ZNF41: variants seen among roughly 807,000 people sequenced by gnomAD.
ZNF41 encodes zinc finger protein 41.
ZNF41 carries 6 observed loss-of-function variants against 9.3 expected under a neutral mutation model. That is an observed-to-expected ratio of 0.65 (90% CI 0.35 to 1.28). The LOEUF is 1.28. Among genes scored for constraint, ZNF41 ranks in the 50% most tolerant of loss-of-function variants. The pLI, the probability that ZNF41 is intolerant of heterozygous loss-of-function variation, is 0.03. For missense variants in ZNF41, 523 were observed against 585.8 expected (o/e 0.89, Z 1.11); for synonymous variants, 192 against 207.1 (o/e 0.93, Z 0.63).
chrX:47,455,981 A>G lies in ZNF41; in HGVS notation c.235T>C (p.Leu79=), dbSNP rs776727494. The G allele has an allele frequency of 2.6e-5, 32 of 1,209,739 alleles. No individual in the cohort carries two copies. In the South Asian group the frequency reaches 5.5e-4, roughly 21 times the overall value. ...ATCCATGGCCCCTCTCCTTGCTCCAACTTGAAGGCAGCCTCTGACTTGGGA... is the reference window on the plus strand; with the variant it reads ...ATCCATGGCCCCTCTCCTTGCTCCAGCTTGAAGGCAGCCTCTGACTTGGGA... ...QIPKSEAAFK[L]EQGEGPWMLE... The change falls in exon 4 of 5, where the codon TTG becomes CTG. Residue 79 remains leucine, a synonymous_variant. Transcript: ENST00000684689.
At chrX:47,464,484 G>T (rs1309299646) in intron 2 of ZNF41, among the ~76,000 whole-genome samples, 2 of 111,303 alleles carry the variant, frequency 1.8e-5, no homozygotes, top group Non-Finnish European at 1.9e-5. Context: ...AGGTATCTCT[G>T]CCTATACCCC....
At chrX:47,472,222 T>C (rs1328718074) in intron 1 of ZNF41, among the ~76,000 whole-genome samples, 2 of 110,830 alleles carry the variant, frequency 1.8e-5, no homozygotes, top group African/African-American at 6.5e-5. Context: ...TATTCAAAAC[T>C]AAAAATTATG....
At chrX:47,456,440 T>C (rs201140907) in intron 2 of ZNF41, 42 bp from the exon 3 acceptor site, 1 of 1,210,344 alleles carries the variant, frequency 8.3e-7, no homozygotes, top group Non-Finnish European at 1.1e-6. Flanking sequence ...TGGTCAGCAC[T>C]GGGGGATGGA....
rs1399025932 is a variant in ZNF41 at position 47,467,460 on chromosome X, G to T, written c.22C>A (p.Pro8Thr). The change falls in exon 2 of 5, where the codon CCC becomes ACC. Residue 8 changes from proline to threonine, a missense_variant. Physicochemically the swap from Pro to Thr is conservative, Grantham distance 38. Transcript: ENST00000684689. The part of the protein sequence containing the change: MAANGDS[P>T]PWSPALAAEG... ...GCAGCCAGGGCCGGGGACCATGGGG[G>T]AGAGTCCCCATTAGCTGCCATGTTC... is the stretch of plus-strand genomic sequence containing the variant. 2 of 1,188,565 alleles carry T rather than the reference G, an allele frequency of 1.7e-6. No homozygotes were observed. The highest frequency in any genetic ancestry group is 2.3e-6 in the Non-Finnish European group (2 of 882,837).
intron 2 of ZNF41, among the ~76,000 whole-genome samples, chrX:47,459,453 T>C (rs747376482): frequency 1.8e-5 from 2 of 108,191 alleles, no homozygotes; most frequent in South Asian, 8.2e-4. Flanking sequence ...TCAACAAATG[T>C]TGCCAGGGCC....
At chrX:47,461,702 C>A (rs1268480314) in intron 2 of ZNF41, among the ~76,000 whole-genome samples, 2 of 109,063 alleles carry the variant, frequency 1.8e-5, no homozygotes, top group African/African-American at 6.7e-5. Flanking sequence ...AGCCACTGTG[C>A]CTGGCCTCTT....
chrX:47,452,485 G>A (rs781552346), intron 4 of ZNF41, among the ~76,000 whole-genome samples: 7 of 111,416 alleles, frequency 6.3e-5, no homozygotes, highest in African/African-American at 2.3e-4. Flanking sequence ...TACCTGCCTC[G>A]AGCCATGGTT....
Position 47,448,487 on chromosome X carries a change from A to G in ZNF41, c.1283T>C (p.Met428Thr). 8.3e-7 allele frequency: 1 copy of G among 1,211,533 alleles called. No homozygotes were observed. The stretch of plus-strand genomic sequence containing the variant: ...CTCTCCCGTGTGGATTCTCTGATGC[A>G]TCCTGAGTGCTGATTTTCTTGTGAA... ...KAFTRKSALR[M>T]HQRIHTGEKP... The change falls in exon 5 of 5, where the codon ATG becomes ACG. Residue 428 changes from methionine (M) to threonine (T), a missense_variant. By Grantham distance (81) the Met-to-Thr change is moderately conservative. Coordinates refer to ENST00000684689, the MANE Select transcript of ZNF41 (RefSeq NM_001324144.2).
At position 47,447,515 on chromosome X, in the gene ZNF41, C is replaced by T. The variant is rs2056156950; in HGVS notation, c.2255G>A (p.Cys752Tyr). The change falls in exon 5 of 5, where the codon TGT (cysteine) becomes TAT (tyrosine). Residue 752 changes from cysteine to tyrosine, a missense_variant. Cys to Tyr is a radical substitution (Grantham distance 194). Coordinates refer to ENST00000684689, the MANE Select transcript of ZNF41 (RefSeq NM_001324144.2). Reference protein sequence around the residue: ...TGKKPYACTECQKAFTDRSNL... With the variant: ...TGKKPYACTEYQKAFTDRSNL... The stretch of plus-strand genomic sequence containing the variant: ...CGATCTGTCAGTAAAGGCCTTCTGA[C>T]ATTCTGTACAAGCATAAGGTTTCTT... 1 of 1,210,160 alleles carries T rather than the reference C, an allele frequency of 8.3e-7. No individual in the cohort carries two copies. The highest frequency in any genetic ancestry group is 1.7e-5 in the African/African-American group (1 of 57,306).
intron 4 of ZNF41, among the ~76,000 whole-genome samples, chrX:47,451,543 C>T (rs1222421194): frequency 8.9e-6 from 1 of 111,921 alleles, no homozygotes; most frequent in Non-Finnish European, 1.9e-5. Flanking sequence ...CACTTGAGGC[C>T]AGGAGTTTGA....
In ZNF41 at chrX:47,469,119, G is replaced by A. The variant is rs763338052; in HGVS notation, c.-279-1359C>T. 8.0e-3 allele frequency among the ~76,000 whole-genome samples: 850 copies of A among 105,732 alleles called. 12 individuals are homozygous for A. Among genetic ancestry groups the A allele is most frequent in the African/African-American group, 0.027 (780 of 28,986 alleles). 91.8% of individuals were successfully genotyped at this position (105,732 alleles called of 115,157 possible). Reference sequence around the variant, plus strand: ...GAGGTCAGGAGATCGAGACCATCCCGGCTAAAACGGTGAAACCCCGTCTCT... The same window carrying A: ...GAGGTCAGGAGATCGAGACCATCCCAGCTAAAACGGTGAAACCCCGTCTCT... On this transcript the variant is annotated intron_variant, in intron 1 of 4. Transcript: ENST00000684689.
At chrX:47,476,327 T>C (rs992019611) in intron 1 of ZNF41, among the ~76,000 whole-genome samples, 4 of 111,219 alleles carry the variant, frequency 3.6e-5, no homozygotes, top group African/African-American at 9.8e-5. Context: ...CGCTCCAGCC[T>C]AGGCAACAGA....
intron 1 of ZNF41, among the ~76,000 whole-genome samples, chrX:47,472,433 C>CTTTTTTTTT (rs767484521): frequency 1.7e-5 from 1 of 58,078 alleles, no homozygotes; most frequent in Non-Finnish European, 3.0e-5. Context: ...AACATGGCTT[C>CTTTTTTTTT]TTTTTTTTTT....
In ZNF41 at chrX:47,448,755, T is replaced by C. The variant is rs1255279045; in HGVS notation, c.1015A>G (p.Lys339Glu). 1 of 1,211,942 alleles carries C rather than the reference T, an allele frequency of 8.3e-7. No homozygotes were observed. The highest frequency in any genetic ancestry group is 1.1e-6 in the Non-Finnish European group (1 of 895,600). The change falls in exon 5 of 5, where the codon AAA becomes GAA. Residue 339 changes from lysine to glutamate, a missense_variant. Transcript: ENST00000684689. ...TTTTGATGTGTAATGAGGTTTGATT[T>C]GAGGGTAAAGACTTTCCCACATTGA... is the stretch of plus-strand genomic sequence containing the variant. ...CTQCGKVFTL[K>E]SNLITHQKIH...
intron 2 of ZNF41, among the ~76,000 whole-genome samples, chrX:47,461,004 G>A (rs920226821): frequency 5.4e-5 from 6 of 110,901 alleles, no homozygotes; most frequent in African/African-American, 1.6e-4. Context: ...ATGATAAAAA[G>A]GTTTAAAAAC....
At position 47,456,156 on chromosome X, in the gene ZNF41, C is replaced by A. The variant is rs763291873; in HGVS notation, c.199+116G>T. ...TAATAATCACAGAGGTGAAAAGGAA[C>A]TGAATCCCAGACAAATCCAGGATGA... On this transcript the variant is annotated intron_variant, in intron 3 of 4. Coordinates refer to ENST00000684689, the MANE Select transcript of ZNF41 (RefSeq NM_001324144.2). The A allele has an allele frequency of 6.7e-5, 73 of 1,088,741 alleles. No homozygotes were observed. In the South Asian group the frequency reaches 1.1e-3, roughly 17 times the overall value. 89.7% of individuals were successfully genotyped at this position (1,088,741 alleles called of 1,213,427 possible).
At position 47,447,961 on chromosome X, in the gene ZNF41, T is replaced by C. The variant is rs942907554; in HGVS notation, c.1809A>G (p.Gly603=). 7.4e-6 allele frequency: 9 copies of C among 1,210,184 alleles called. No homozygotes were observed. The highest frequency in any genetic ancestry group is 1.7e-5 in the African/African-American group (1 of 57,242). ...ATTCAGGACAAACGTACGGTTTCTC[T>C]CCTGTATGGATTCTCTGATGCACGC... ...TLSVHQRIHT[G]EKPYVCPECG... Residue 603 remains glycine, a synonymous_variant, in exon 5 of 5, where the codon GGA becomes GGG. Transcript: ENST00000684689.
intron 1 of ZNF41, among the ~76,000 whole-genome samples, chrX:47,481,985 C>G (rs1180549349): frequency 9.1e-6 from 1 of 109,943 alleles, no homozygotes; most frequent in Non-Finnish European, 1.9e-5. Context: ...AGCCCCCCAT[C>G]ACTAGTCCCA....
chrX:47,481,302 G>A (rs2057466329), intron 1 of ZNF41, among the ~76,000 whole-genome samples: 1 of 110,626 alleles, frequency 9.0e-6, no homozygotes, highest in Non-Finnish European at 1.9e-5. Context: ...AATTAGCTGG[G>A]CAAGCCTGCC....
Sources: gnomAD v4.1 joint callset for allele counts (sites outside exome capture counted in the v4.1 genomes callset) on GRCh38, gnomAD v4.1.1 for gene constraint, MANE v1.5 for transcripts, NCBI Gene and HGNC (gene_info 2026-07-23, HGNC 2026-07-21) for gene names.